The following ERBB4 variants were observed in gnomAD, a reference collection of about 807,000 sequenced individuals.
ERBB4 encodes the protein receptor tyrosine-protein kinase erbB-4.
Under a neutral mutation model 158.0 loss-of-function variants are expected in ERBB4, and 42 were observed. The observed-to-expected ratio is 0.27, with a 90% CI of 0.21 to 0.34. ERBB4 has a LOEUF of 0.34. Among genes scored for constraint, ERBB4 ranks in the 10% least tolerant of loss-of-function variants. ERBB4 has a pLI of 1.00. For synonymous variants in ERBB4, 583 were observed against 558.7 expected (o/e 1.04, Z -0.61); for missense variants, 1,333 against 1,624.1 (o/e 0.82, Z 3.08).
chr2:212,015,044 ATATATATATATATATATATATATAT>A (rs2076485605), intron 2 of ERBB4, among the ~76,000 whole-genome samples: 2 of 4,116 alleles, frequency 4.9e-4, no homozygotes, highest in African/African-American at 1.3e-3. Flanking sequence ...AAAAAAAAAT[ATATATATATATATATATATATATAT>A]ATATATATAT....
chr2:211,852,131 G>A (rs1447326270), intron 3 of ERBB4, among the ~76,000 whole-genome samples: 2 of 151,780 alleles, frequency 1.3e-5, no homozygotes, highest in Non-Finnish European at 2.9e-5. Flanking sequence ...GGCTTTGAAT[G>A]CTTCCAATAT....
intron 20 of ERBB4, among the ~76,000 whole-genome samples, chr2:211,501,306 A>C (rs1346601118): frequency 6.6e-6 from 1 of 151,908 alleles, no homozygotes. Flanking sequence ...CATAACTAAC[A>C]ATAATTTATT....
At chr2:212,267,747 C>G (rs959520254) in intron 1 of ERBB4, among the ~76,000 whole-genome samples, 3 of 151,420 alleles carry the variant, frequency 2.0e-5, no homozygotes, top group Non-Finnish European at 4.4e-5. Context: ...TATCCCTCCC[C>G]CCTTCCCCCA....
intron 3 of ERBB4, among the ~76,000 whole-genome samples, chr2:211,871,396 G>T (rs965739859): frequency 6.6e-6 from 1 of 151,652 alleles, no homozygotes; most frequent in African/African-American, 2.4e-5. Flanking sequence ...TTTTCTGGTA[G>T]TTAATCAAGT....
chr2:211,940,719 G>A (rs1226192818), intron 3 of ERBB4, among the ~76,000 whole-genome samples: 2 of 152,096 alleles, frequency 1.3e-5, no homozygotes, highest in African/African-American at 2.4e-5. Flanking sequence ...GAAAACATGT[G>A]AGCAGAGGAG....
chr2:211,644,760 A>G (rs1273830865), intron 16 of ERBB4, among the ~76,000 whole-genome samples: 1 of 152,030 alleles, frequency 6.6e-6, no homozygotes, highest in East Asian at 1.9e-4. Context: ...AATGGTCATA[A>G]GAAAATAATC....
intron 1 of ERBB4, among the ~76,000 whole-genome samples, chr2:212,249,082 C>T (rs1242895736): frequency 6.6e-6 from 1 of 151,968 alleles, no homozygotes; most frequent in Non-Finnish European, 1.5e-5. Context: ...AGGAACTAGA[C>T]CAGCAACAGA....
chr2:211,555,328 G>A (rs371445405), intron 20 of ERBB4, among the ~76,000 whole-genome samples: 2 of 152,110 alleles, frequency 1.3e-5, no homozygotes, highest in Non-Finnish European at 2.9e-5. Context: ...TTGGATCACA[G>A]GCATGTGCCC....
intron 3 of ERBB4, among the ~76,000 whole-genome samples, chr2:211,928,487 C>G (rs967899034): frequency 1.3e-5 from 2 of 152,128 alleles, no homozygotes; most frequent in African/African-American, 4.8e-5. Context: ...CTTCTTAAAC[C>G]ACAGAGCAAC....
chr2:211,582,732 T>G (rs943477276), intron 19 of ERBB4, among the ~76,000 whole-genome samples: 1 of 152,176 alleles, frequency 6.6e-6, no homozygotes, highest in Non-Finnish European at 1.5e-5. Context: ...ATCTTTTAGC[T>G]ATTTAACTGA....
chr2:211,624,053 C>T lies in ERBB4; in HGVS notation c.2080-9G>A, dbSNP rs74608383. The T allele has an allele frequency of 3.1e-4, 503 of 1,613,946 alleles. 2 individuals carry two copies. In the African/African-American group the frequency reaches 5.0e-3, roughly 16 times the overall value. On this transcript the variant is annotated splice_polypyrimidine_tract_variant and intron_variant, in intron 17 of 27. Coordinates refer to ENST00000342788, the MANE Select transcript of ERBB4 (RefSeq NM_005235.3). Reference sequence around the variant, plus strand: ...GTTAATGGTTCCACCAACTGCAAAGCGGAAAGAAGAAGGTTATACTTTCAG... The same window carrying T: ...GTTAATGGTTCCACCAACTGCAAAGTGGAAAGAAGAAGGTTATACTTTCAG...
intron 20 of ERBB4, among the ~76,000 whole-genome samples, chr2:211,521,094 T>C (rs2066174145): frequency 6.6e-6 from 1 of 151,256 alleles, no homozygotes; most frequent in Non-Finnish European, 1.5e-5. Flanking sequence ...AATGGAAGAG[T>C]TGCAAGTCTC....
At chr2:211,637,628 A>T (rs569162738) in intron 16 of ERBB4, among the ~76,000 whole-genome samples, 2 of 152,148 alleles carry the variant, frequency 1.3e-5, no homozygotes, top group South Asian at 4.1e-4. Context: ...ACTGAATGTG[A>T]ACTTTCCATT....
rs779842049 is a variant in ERBB4 at position 211,466,348 on chromosome 2, TTAA to T, written c.2488-35251_2488-35249del. 2.7e-3 allele frequency among the ~76,000 whole-genome samples: 362 copies of T among 134,046 alleles called. 1 individual carries two copies. Among genetic ancestry groups the T allele is most frequent in the African/African-American group, 8.8e-3 (275 of 31,244 alleles). The allele number at this position is 134,046 out of a possible 152,430, so 87.9% of individuals were successfully genotyped here. A position where few individuals can be genotyped will look rare whatever the true frequency, so the allele number is the denominator to read the frequency against. On this transcript the variant is annotated intron_variant, in intron 20 of 27. Transcript: ENST00000342788. ...TTTTGTGTAGTTTTTTTTTTTTTTT[TTAA>T]AAAAAAAAAAAGGAACACATTCAAT...
At chr2:211,403,267 G>A (rs1161812731) in intron 25 of ERBB4, among the ~76,000 whole-genome samples, 1 of 152,012 alleles carries the variant, frequency 6.6e-6, no homozygotes, top group African/African-American at 2.4e-5. Flanking sequence ...TTCATCTAAT[G>A]GAGAATGTCT....
chr2:211,456,223 C>T (rs2064378112), intron 20 of ERBB4, among the ~76,000 whole-genome samples: 1 of 152,088 alleles, frequency 6.6e-6, no homozygotes, highest in Non-Finnish European at 1.5e-5. Context: ...GAATGGGGCA[C>T]AGTATATAAG....
intron 1 of ERBB4, among the ~76,000 whole-genome samples, chr2:212,285,989 T>C (rs1450503508): frequency 6.6e-6 from 1 of 152,192 alleles, no homozygotes; most frequent in African/African-American, 2.4e-5. Context: ...TTTATCTTTC[T>C]GTCCTTTACA....
intron 3 of ERBB4, among the ~76,000 whole-genome samples, chr2:211,903,008 T>C (rs1181575474): frequency 6.6e-6 from 1 of 152,036 alleles, no homozygotes; most frequent in East Asian, 1.9e-4. Context: ...TATCACAAAT[T>C]AATTATGTCA....
chr2:211,389,515 T>A (rs1187681193), intron 25 of ERBB4, among the ~76,000 whole-genome samples: 1 of 152,146 alleles, frequency 6.6e-6, no homozygotes, highest in African/African-American at 2.4e-5. Flanking sequence ...TGAACCCCTA[T>A]AGTGAGGTTA....
Sources: allele counts gnomAD v4.1 joint callset (sites outside exome capture counted in the v4.1 genomes callset), GRCh38; gene constraint gnomAD v4.1.1; transcripts MANE v1.5; gene names NCBI Gene and HGNC (gene_info 2026-07-23, HGNC 2026-07-21).